Variants in SPECC1L observed in about 807,000 individuals in gnomAD.
SPECC1L encodes cytospin-A.
In SPECC1L, 40 loss-of-function variants were observed where a neutral mutation model predicts 116.8. The observed-to-expected ratio is 0.34, with a 90% CI of 0.27 to 0.45. SPECC1L has a LOEUF of 0.45. Among genes scored for constraint, SPECC1L ranks in the 20% least tolerant of loss-of-function variants. The pLI, the probability that SPECC1L is intolerant of heterozygous loss-of-function variation, is 1.00. For synonymous variants in SPECC1L, 504 were observed against 500.6 expected (o/e 1.01, Z -0.09); for missense variants, 1,110 against 1,373.6 (o/e 0.81, Z 3.03).
intron 11 of SPECC1L, among the ~76,000 whole-genome samples, chr22:24,362,402 G>A (rs558265465): frequency 1.3e-5 from 2 of 152,200 alleles, no homozygotes; most frequent in Non-Finnish European, 2.9e-5. Flanking sequence ...GACAGCTTGT[G>A]TTTAGAGAAC....
chr22:24,382,704 CA>C (rs34174849), intron 14 of SPECC1L, among the ~76,000 whole-genome samples: 1,789 of 59,608 alleles, frequency 0.03, 13 homozygotes, highest in Admixed American at 0.041. Context: ...GACTCCATCT[CA>C]AAAAAAAAAA....
At chr22:24,272,700 T>C (rs560503376) in intron 1 of SPECC1L, among the ~76,000 whole-genome samples, 4 of 151,420 alleles carry the variant, frequency 2.6e-5, no homozygotes, top group African/African-American at 9.7e-5. Flanking sequence ...ACAATATACA[T>C]GTATGTTGTA....
chr22:24,303,599 T>G (rs2049426632), intron 3 of SPECC1L, among the ~76,000 whole-genome samples: 1 of 152,184 alleles, frequency 6.6e-6, no homozygotes, highest in South Asian at 2.1e-4. Flanking sequence ...TGGCATTAGA[T>G]GTGCACTGCT....
intron 13 of SPECC1L, among the ~76,000 whole-genome samples, chr22:24,367,522 C>T (rs911176504): frequency 1.6e-4 from 24 of 152,010 alleles, no homozygotes; most frequent in Admixed American, 1.4e-3. Flanking sequence ...CATTGTGGCC[C>T]AGGGAAGCCA....
At chr22:24,355,750 C>T (rs899558846) in intron 11 of SPECC1L, among the ~76,000 whole-genome samples, 2 of 152,104 alleles carry the variant, frequency 1.3e-5, no homozygotes, top group Non-Finnish European at 1.5e-5. Context: ...GTCATGGTTT[C>T]GTAATGCAGT....
chr22:24,363,403 CTA>C lies in SPECC1L; in HGVS notation c.2827+61_2827+62del, dbSNP rs1460835857. ...GTTGTTTTTTAGAGACAGGATCTCA[CTA>C]TGTTGCCCAGGCTGATCTCAAACTC... On this transcript the variant is annotated intron_variant, in intron 12 of 16. Transcript: ENST00000314328. The C allele has an allele frequency of 2.8e-6, 4 of 1,417,700 alleles. No homozygotes were observed. In the East Asian group the frequency reaches 9.1e-5, roughly 32 times the overall value. The allele number at this position is 1,417,700 out of a possible 1,614,324, so 87.8% of individuals were successfully genotyped here. A position where few individuals can be genotyped will look rare whatever the true frequency, so the allele number is the denominator to read the frequency against.
chr22:24,371,722 G>T (rs972121540), intron 14 of SPECC1L, among the ~76,000 whole-genome samples: 1 of 152,170 alleles, frequency 6.6e-6, no homozygotes, highest in Non-Finnish European at 1.5e-5. Context: ...TTGATTGATT[G>T]ATTGATTGAT....
At chr22:24,410,135 A>G (rs1325963385) in intron 14 of SPECC1L, among the ~76,000 whole-genome samples, 2 of 152,250 alleles carry the variant, frequency 1.3e-5, no homozygotes, top group African/African-American at 4.8e-5. Flanking sequence ...CCTTCAAGTT[A>G]CAGAGGTGTT....
chr22:24,340,261 G>T (rs546926597), intron 10 of SPECC1L, among the ~76,000 whole-genome samples: 1 of 142,318 alleles, frequency 7.0e-6, no homozygotes, highest in Admixed American at 7.7e-5. Flanking sequence ...TGATTCTCAT[G>T]CCTCAGCCTC....
At chr22:24,373,593 T>A (rs2041912720) in intron 14 of SPECC1L, among the ~76,000 whole-genome samples, 1 of 152,198 alleles carries the variant, frequency 6.6e-6, no homozygotes, top group African/African-American at 2.4e-5. Flanking sequence ...TGAAACTGCA[T>A]CCCTTCCTTA....
At chr22:24,348,253 A>G (rs769190748) in intron 11 of SPECC1L, among the ~76,000 whole-genome samples, 10 of 152,184 alleles carry the variant, frequency 6.6e-5, no homozygotes, top group Non-Finnish European at 5.9e-5. Context: ...TTGGTTGTGC[A>G]TGTTAGGCTG....
intron 8 of SPECC1L, among the ~76,000 whole-genome samples, chr22:24,334,014 G>GTTT (rs11398083): frequency 3.0e-5 from 4 of 132,550 alleles, no homozygotes; most frequent in Non-Finnish European, 3.3e-5. Context: ...GTTTTTTGTT[G>GTTT]TTTTTTTTTT....
chr22:24,283,057 C>T (rs1053389508), intron 2 of SPECC1L, among the ~76,000 whole-genome samples: 15 of 151,074 alleles, frequency 9.9e-5, no homozygotes, highest in African/African-American at 3.4e-4. Flanking sequence ...GGATTACAGG[C>T]GTGAGTCACT....
At position 24,377,827 on chromosome 22, in the gene SPECC1L, C is replaced by T. The variant is rs113220702; in HGVS notation, c.3087+8507C>T. 2.6e-5 allele frequency among the ~76,000 whole-genome samples: 4 copies of T among 152,322 alleles called. 1 individual carries two copies. Among genetic ancestry groups the T allele is most frequent in the African/African-American group, 9.6e-5 (4 of 41,572 alleles). On this transcript the variant is annotated intron_variant, in intron 14 of 16. Coordinates refer to ENST00000314328, the MANE Select transcript of SPECC1L (RefSeq NM_015330.6). ...ACTATGCTGTCAACAGATGTGCTGT[C>T]ATCCAGGCTTTGTTGTTCCATTTAT...
At chr22:24,379,528 A>AAT (rs1661094088) in intron 14 of SPECC1L, among the ~76,000 whole-genome samples, 1 of 152,200 alleles carries the variant, frequency 6.6e-6, no homozygotes, top group Non-Finnish European at 1.5e-5. Context: ...TATAGAGAGA[A>AAT]ATATATATAC....
chr22:24,321,908 C>T lies in SPECC1L; in HGVS notation c.928C>T (p.Leu310=), dbSNP rs561978564. The change falls in exon 5 of 17, where the codon CTG becomes TTG. Residue 310 remains leucine, a synonymous_variant. Transcript: ENST00000314328. The stretch of plus-strand genomic sequence containing the variant: ...TAACCAGAGCGATGGAGGAGGAACT[C>T]TGACTTCTTCAGTGGAAGGCTCTGC... ...PGNQSDGGGT[L]TSSVEGSAPG... is the part of the protein sequence containing the mutation. 3.1e-6 allele frequency: 5 copies of T among 1,614,216 alleles called. No individual in the cohort carries two copies. The highest frequency in any genetic ancestry group is 1.1e-5 in the South Asian group (1 of 91,088).
chr22:24,282,109 G>T (rs760036876), intron 2 of SPECC1L, among the ~76,000 whole-genome samples: 1 of 152,202 alleles, frequency 6.6e-6, no homozygotes, highest in Non-Finnish European at 1.5e-5. Context: ...CCGTTCCTGG[G>T]TGGGGGCCAC....
intron 2 of SPECC1L, among the ~76,000 whole-genome samples, chr22:24,296,304 C>T (rs1429973733): frequency 6.6e-6 from 1 of 152,224 alleles, no homozygotes; most frequent in Admixed American, 6.5e-5. Context: ...ATGGTGCTTG[C>T]TGTCGGGGAG....
intron 14 of SPECC1L, among the ~76,000 whole-genome samples, chr22:24,404,200 C>G (rs1298492558): frequency 6.6e-6 from 1 of 152,164 alleles, no homozygotes; most frequent in African/African-American, 2.4e-5. Flanking sequence ...TCAGCATGGC[C>G]ATTACTTGTT....
Sources: allele counts gnomAD v4.1 joint callset (sites outside exome capture counted in the v4.1 genomes callset), GRCh38; gene constraint gnomAD v4.1.1; transcripts MANE v1.5; gene names NCBI Gene and HGNC (gene_info 2026-07-23, HGNC 2026-07-21).